The following AXIN1 variants were observed in gnomAD, a reference collection of about 807,000 sequenced individuals.
The protein encoded by AXIN1 is axin-1.
In AXIN1, 30 loss-of-function variants were observed where a neutral mutation model predicts 76.4. That is an observed-to-expected ratio of 0.39 (90% CI 0.29 to 0.53). AXIN1 has a LOEUF of 0.53. Among genes scored for constraint, AXIN1 ranks in the 20% least tolerant of loss-of-function variants. The pLI is 0.66. For missense variants in AXIN1, 1,140 were observed against 1,198.8 expected (o/e 0.95, Z 0.72); for synonymous variants, 545 against 501.4 (o/e 1.09, Z -1.16).
At chr16:327,170 T>G (rs2053602561) in intron 2 of AXIN1, among the ~76,000 whole-genome samples, 1 of 150,858 alleles carries the variant, frequency 6.6e-6, no homozygotes, top group African/African-American at 2.4e-5. Context: ...AGCACCCCCA[T>G]CAGGTCCCAG....
chr16:337,497 CAAAAAAAAA>C (rs35744069), intron 2 of AXIN1, among the ~76,000 whole-genome samples: 4 of 72,038 alleles, frequency 5.6e-5, no homozygotes, highest in East Asian at 9.3e-4. Flanking sequence ...GGGTCAAAAC[CAAAAAAAAA>C]AAAAAAAAAA....
In AXIN1 at chr16:310,047, T is replaced by C; in HGVS notation, c.1042A>G (p.Ile348Val). The C allele has an allele frequency of 6.2e-7, 1 of 1,612,558 alleles. No homozygotes were observed. The highest frequency in any genetic ancestry group is 8.5e-7 in the Non-Finnish European group (1 of 1,179,648). The change falls in exon 4 of 11, where the codon ATC (isoleucine) becomes GTC (valine). Residue 348 changes from isoleucine (I) to valine (V), a missense_variant. By Grantham distance (29) the Ile-to-Val change is conservative (BLOSUM62 3). Around this residue, in one of 3 missense-constraint regions of AXIN1, gnomAD observed 708 missense variants for 776.9 expected, o/e 0.91. Coordinates refer to ENST00000262320, the MANE Select transcript of AXIN1 (RefSeq NM_003502.4). Reference sequence around the variant, plus strand: ...ATCTCCCTGCGGTGCTGCTTACGGATCCTGTATGGGGGGATCCCATCCCTG... The same window carrying C: ...ATCTCCCTGCGGTGCTGCTTACGGACCCTGTATGGGGGGATCCCATCCCTG... ...SSVDGIPPYR[I>V]RKQHRREMQE...
chr16:289,615 A>G lies in AXIN1; in HGVS notation c.2295-8T>C, dbSNP rs1243220573. On this transcript the variant is annotated splice_region_variant and splice_polypyrimidine_tract_variant and intron_variant, in intron 9 of 10. Coordinates refer to ENST00000262320, the MANE Select transcript of AXIN1 (RefSeq NM_003502.4). Reference sequence around the variant, plus strand: ...TTCCTCTGCGATCTTGTCCTGGGGAAAGAGATGCAGCGGTGGTACCTGGTT... The same window carrying G: ...TTCCTCTGCGATCTTGTCCTGGGGAGAGAGATGCAGCGGTGGTACCTGGTT... 2 of 1,612,616 alleles carry G rather than the reference A, an allele frequency of 1.2e-6. No individual in the cohort carries two copies. The highest frequency in any genetic ancestry group is 1.1e-5 in the South Asian group (1 of 91,070).
At chr16:317,962 G>T (rs1349655035) in intron 2 of AXIN1, among the ~76,000 whole-genome samples, 1 of 152,334 alleles carries the variant, frequency 6.6e-6, no homozygotes, top group South Asian at 2.1e-4. Context: ...GGCCACTGCC[G>T]CACAGAAGTT....
intron 1 of AXIN1, among the ~76,000 whole-genome samples, chr16:348,528 GGT>G (rs1057089985): frequency 6.6e-6 from 1 of 152,210 alleles, no homozygotes; most frequent in African/African-American, 2.4e-5. Context: ...AGCCAGGCGT[GGT>G]GTCACGCACC....
At chr16:334,086 TA>T (rs1234103022) in intron 2 of AXIN1, among the ~76,000 whole-genome samples, 5 of 149,666 alleles carry the variant, frequency 3.3e-5, no homozygotes, top group African/African-American at 1.2e-4. Flanking sequence ...GGCACACCAC[TA>T]ACACAGCATC....
At chr16:328,117 C>G (rs189349434) in intron 2 of AXIN1, among the ~76,000 whole-genome samples, 285 of 152,182 alleles carry the variant, frequency 1.9e-3, no homozygotes, top group Non-Finnish European at 3.1e-3. Context: ...AAGGGCTGGG[C>G]GGGGTAGCTC....
chr16:347,736 G>T (rs549472898), intron 1 of AXIN1, among the ~76,000 whole-genome samples: 1 of 152,102 alleles, frequency 6.6e-6, no homozygotes, highest in East Asian at 1.9e-4. Flanking sequence ...CTCAACACAC[G>T]CCTCAAAGAG....
intron 2 of AXIN1, among the ~76,000 whole-genome samples, chr16:337,037 A>C (rs7498932): frequency 0.29 from 43,669 of 148,100 alleles, 6,980 homozygotes; most frequent in African/African-American, 0.43. Flanking sequence ...GTAATCCCAG[A>C]TACTGGGGAG....
chr16:314,004 C>A (rs1160622971), intron 3 of AXIN1, among the ~76,000 whole-genome samples: 1 of 152,222 alleles, frequency 6.6e-6, no homozygotes, highest in African/African-American at 2.4e-5. Context: ...ACTGCACCAG[C>A]GTCGGCAGAA....
At position 289,347 on chromosome 16, in the gene AXIN1, G is replaced by A. The variant is rs927802084; in HGVS notation, c.2462+93C>T. On this transcript the variant is annotated intron_variant, in intron 10 of 10. Transcript: ENST00000262320. Reference sequence around the variant, plus strand: ...TCCCAAAGTGCCAGGATTAGGACGTGAGCCACTGTGCCCGGCTGGAAACCC... The same window carrying A: ...TCCCAAAGTGCCAGGATTAGGACGTAAGCCACTGTGCCCGGCTGGAAACCC... The A allele has an allele frequency of 1.5e-5, 23 of 1,526,352 alleles. No individual in the cohort carries two copies. The East Asian group carries it at 4.5e-4, about 30-fold the overall frequency. 94.6% of individuals were successfully genotyped at this position (1,526,352 alleles called of 1,614,324 possible). A position where few individuals can be genotyped will look rare whatever the true frequency, so the allele number is the denominator to read the frequency against.
At chr16:324,567 G>A (rs879307307) in intron 2 of AXIN1, among the ~76,000 whole-genome samples, 11 of 152,336 alleles carry the variant, frequency 7.2e-5, no homozygotes, top group Admixed American at 3.9e-4. Flanking sequence ...AGCAGAAAAC[G>A]CCCGCAGGTG....
rs1567254724 is a variant in AXIN1, at chr16:288,177, G to A, written c.2534C>T (p.Ala845Val). The A allele has an allele frequency of 6.2e-7, 1 of 1,613,592 alleles. No individual in the cohort carries two copies. The highest frequency in any genetic ancestry group is 1.7e-5 in the Admixed American group (1 of 60,016). The change falls in exon 11 of 11, where the codon GCC becomes GTC. Residue 845 changes from alanine (A) to valine (V), a missense_variant. This residue lies in a region of AXIN1 where 429 missense variants were observed against 405.8 expected (regional missense o/e 1.06). Transcript: ENST00000262320. ...CTTCTCCTCAAAGACGGGCAGGACG[G>A]CCTCGTCCTCTCGAACCTCCTCAAA... Reference protein sequence around the residue: ...VVFEEVREDEAVLPVFEEKII... With the variant: ...VVFEEVREDEVVLPVFEEKII...
intron 6 of AXIN1, among the ~76,000 whole-genome samples, chr16:297,480 CCT>C (rs2052745542): frequency 6.6e-6 from 1 of 152,172 alleles, no homozygotes; most frequent in Admixed American, 6.5e-5. Context: ...CTGCTCACCC[CCT>C]GAAGACTGAG....
At chr16:313,617 G>A (rs987681529) in intron 3 of AXIN1, among the ~76,000 whole-genome samples, 2 of 152,186 alleles carry the variant, frequency 1.3e-5, no homozygotes, top group African/African-American at 4.8e-5. Context: ...GCCCTGGCTA[G>A]GATGGCTGGT....
At chr16:323,706 G>A (rs544451979) in intron 2 of AXIN1, among the ~76,000 whole-genome samples, 38 of 151,636 alleles carry the variant, frequency 2.5e-4, no homozygotes, top group African/African-American at 8.2e-4. Context: ...ATGTGAACCC[G>A]GGAGGCGGAG....
At chr16:298,373 G>C (rs2052777509) in intron 5 of AXIN1, 122 bp from the exon 6 acceptor site, 1 of 1,294,298 alleles carries the variant, frequency 7.7e-7, no homozygotes, top group Admixed American at 2.0e-5. Flanking sequence ...GGTGGCCGGG[G>C]GCCCCTCGCC....
intron 2 of AXIN1, among the ~76,000 whole-genome samples, chr16:345,436 C>G (rs1438499962): frequency 6.6e-6 from 1 of 152,208 alleles, no homozygotes; most frequent in Admixed American, 6.5e-5. Flanking sequence ...ATAATCTGGC[C>G]GGATGCGGCG....
rs767007446 is a variant in AXIN1, at chr16:293,615, G to A, written c.2059C>T (p.His687Tyr). The A allele has an allele frequency of 6.2e-7, 1 of 1,613,436 alleles. No individual in the cohort carries two copies. The highest frequency in any genetic ancestry group is 8.5e-7 in the Non-Finnish European group (1 of 1,180,000). ...PQLRTSVQPSHLFIQDPTMPP... is the reference protein window; with the variant it reads ...PQLRTSVQPSYLFIQDPTMPP... ...ATGGTGGGGTCTTGGATGAAGAGGT[G>A]GGAGGGCTGCACGGAGGTCCGGAGC... is the stretch of plus-strand genomic sequence containing the variant. Residue 687 changes from histidine (H) to tyrosine (Y), a missense_variant, in exon 8 of 11, where the codon CAC (histidine) becomes TAC (tyrosine). Physicochemically the swap from His to Tyr is moderately conservative, Grantham distance 83. Transcript: ENST00000262320. This position sits in a 1 kb window ranked among gnomAD's most constrained non-coding sequence, Gnocchi z 4.6.
Sources: gnomAD v4.1 joint callset for allele counts (sites outside exome capture counted in the v4.1 genomes callset) on GRCh38, gnomAD v4.1.1 for gene constraint, gnomAD v4.1.1 regional missense constraint, Gnocchi (gnomAD v3.1) non-coding constraint, MANE v1.5 for transcripts, NCBI Gene and HGNC (gene_info 2026-07-23, HGNC 2026-07-21) for gene names.